The following NEK11 variants were observed in gnomAD, a reference collection of about 807,000 sequenced individuals.
NEK11 encodes the protein NIMA related kinase 11.
NEK11 carries 72 observed loss-of-function variants against 80.7 expected under a neutral mutation model. That is an observed-to-expected ratio of 0.89 (90% CI 0.74 to 1.08). NEK11 has a LOEUF of 1.08. Ranked by LOEUF, NEK11 falls within the 50% of genes least tolerant of loss-of-function variation. The pLI, the probability that NEK11 is intolerant of heterozygous loss-of-function variation, is 0.00. For synonymous variants in NEK11, 251 were observed against 260.7 expected, an observed-to-expected ratio of 0.96 and a Z score of 0.36; for missense variants, 764 against 763.6, an observed-to-expected ratio of 1.00 and a Z score of -0.01.
rs910681976 is a variant in NEK11, at chr3:131,080,576, G to A, written c.324G>A (p.Thr108=). 35 of 1,612,022 alleles carry A rather than the reference G, an allele frequency of 2.2e-5. No individual in the cohort carries two copies. Among genetic ancestry groups the A allele is most frequent in the Non-Finnish European group, 2.6e-5 (31 of 1,179,502 alleles). The change falls in exon 4 of 18, where the codon ACG becomes ACA. Residue 108 remains threonine, a synonymous_variant. Coordinates refer to ENST00000383366, the MANE Select transcript of NEK11 (RefSeq NM_024800.5). The part of the protein sequence containing the change: ...FVEQDNFCII[T]EYCEGRDLDD... ...AGCAAGATAATTTCTGCATTATCAC[G>A]GAGTACTGTGAGGTGAGACTCTCCT... is the stretch of plus-strand genomic sequence containing the variant.
In NEK11 at chr3:131,133,830, G is replaced by A. The variant is rs2085011135; in HGVS notation, c.521G>A (p.Gly174Glu). 6.2e-7 allele frequency: 1 copy of A among 1,604,646 alleles called. No homozygotes were observed. Among genetic ancestry groups the A allele is most frequent in the African/African-American group, 1.3e-5 (1 of 74,402 alleles). ...CATAAAAATTAATTATTATTTCAAG[G>A]AGATTTTGGAGTTTCTCGACTTCTA... is the stretch of plus-strand genomic sequence containing the variant. ...VFLKNNLLKI[G>E]DFGVSRLLMG... is the part of the protein sequence containing the mutation. Residue 174 changes from glycine to glutamate, a missense_variant and splice_region_variant, in exon 7 of 18, where the codon GGA becomes GAA. Coordinates refer to ENST00000383366, the MANE Select transcript of NEK11 (RefSeq NM_024800.5).
chr3:131,133,167 CATTT>C, intron 6 of NEK11: 1 of 435,048 alleles, frequency 2.3e-6, no homozygotes, highest in Non-Finnish European at 4.5e-6. Flanking sequence ...ACAGGTTTCT[CATTT>C]ATATTATTTC....
chr3:131,217,256 A>T (rs1352828417), intron 14 of NEK11, among the ~76,000 whole-genome samples: 1 of 152,238 alleles, frequency 6.6e-6, no homozygotes, highest in Non-Finnish European at 1.5e-5. Flanking sequence ...GCCTTTTCCC[A>T]AACAGCAAAG....
intron 3 of NEK11, among the ~76,000 whole-genome samples, chr3:131,051,581 A>T (rs1463777581): frequency 6.6e-6 from 1 of 152,184 alleles, no homozygotes; most frequent in Non-Finnish European, 1.5e-5. Context: ...TTCACACAAG[A>T]CCCTACATAT....
chr3:131,259,977 A>G (rs911536382), intron 16 of NEK11, among the ~76,000 whole-genome samples: 2 of 152,076 alleles, frequency 1.3e-5, no homozygotes, highest in Non-Finnish European at 1.5e-5. Flanking sequence ...GATGTCCACT[A>G]TTGTCACAGG....
intron 4 of NEK11, among the ~76,000 whole-genome samples, chr3:131,094,002 C>G (rs1286882317): frequency 1.3e-5 from 2 of 148,230 alleles, no homozygotes; most frequent in Admixed American, 6.8e-5. Context: ...ATGCCATTTG[C>G]TTCTGGAGAA....
chr3:131,231,143 A>G (rs1417707341), intron 15 of NEK11, among the ~76,000 whole-genome samples: 1 of 151,934 alleles, frequency 6.6e-6, no homozygotes, highest in Non-Finnish European at 1.5e-5. Context: ...CCTCTCACAT[A>G]CATGGTGGTA....
At chr3:131,065,977 C>T (rs2071857466) in intron 3 of NEK11, among the ~76,000 whole-genome samples, 1 of 152,110 alleles carries the variant, frequency 6.6e-6, no homozygotes, top group South Asian at 2.1e-4. Context: ...CACAAGAGTC[C>T]AGCATATTTG....
chr3:131,309,109 C>T (rs372895640), intron 17 of NEK11, among the ~76,000 whole-genome samples: 2 of 152,100 alleles, frequency 1.3e-5, no homozygotes, highest in East Asian at 3.9e-4. Flanking sequence ...TGGCCCGCGG[C>T]CTAAGGGTTG....
chr3:131,213,323 T>A (rs2150554695), intron 14 of NEK11, among the ~76,000 whole-genome samples: 1 of 152,304 alleles, frequency 6.6e-6, no homozygotes, highest in South Asian at 2.1e-4. Context: ...GATGGCCGGT[T>A]AACAGAAGGG....
At chr3:131,088,508 C>T (rs1481938136) in intron 4 of NEK11, among the ~76,000 whole-genome samples, 1 of 152,080 alleles carries the variant, frequency 6.6e-6, no homozygotes, top group Admixed American at 6.6e-5. Flanking sequence ...TGGGGTAAGG[C>T]TTTAGCTGTC....
At chr3:131,139,353 G>GAAAAAAAAAAAAAAA (rs71622003) in intron 7 of NEK11, among the ~76,000 whole-genome samples, 3 of 107,524 alleles carry the variant, frequency 2.8e-5, no homozygotes, top group Non-Finnish European at 3.5e-5. Flanking sequence ...AGAGAAAAAA[G>GAAAAAAAAAAAAAAA]AAAAAAAAAA....
intron 3 of NEK11, among the ~76,000 whole-genome samples, chr3:131,076,006 C>T (rs1303499998): frequency 6.6e-6 from 1 of 152,118 alleles, no homozygotes; most frequent in African/African-American, 2.4e-5. Flanking sequence ...ATGGAGACGC[C>T]GTGCCACCTT....
intron 17 of NEK11, chr3:131,327,262 T>C (rs974597040): frequency 1.3e-5 from 2 of 152,210 alleles, no homozygotes; most frequent in African/African-American, 4.8e-5. Context: ...TTTGTCTGTA[T>C]TGTCAGTTTG....
chr3:131,309,636 C>T (rs1055718795), intron 17 of NEK11, among the ~76,000 whole-genome samples: 2 of 151,460 alleles, frequency 1.3e-5, no homozygotes, highest in Non-Finnish European at 2.9e-5. Flanking sequence ...TATTATCTGC[C>T]GAAGTGGAAG....
chr3:131,171,851 T>G (rs1366801349), intron 14 of NEK11, among the ~76,000 whole-genome samples: 2 of 152,200 alleles, frequency 1.3e-5, no homozygotes, highest in Non-Finnish European at 2.9e-5. Flanking sequence ...TAAATATTTC[T>G]TGAGTGAATT....
At chr3:131,040,635 G>T (rs2066340177) in intron 3 of NEK11, among the ~76,000 whole-genome samples, 1 of 152,068 alleles carries the variant, frequency 6.6e-6, no homozygotes. Context: ...TTTTAATCTT[G>T]GGTTCATACC....
At chr3:131,247,481 C>T (rs2095622491) in intron 16 of NEK11, among the ~76,000 whole-genome samples, 1 of 151,958 alleles carries the variant, frequency 6.6e-6, no homozygotes, top group Non-Finnish European at 1.5e-5. Context: ...GGTTTTTGTG[C>T]CTGTTTTTAT....
intron 5 of NEK11, among the ~76,000 whole-genome samples, chr3:131,126,413 C>T (rs901907230): frequency 6.6e-6 from 1 of 152,094 alleles, no homozygotes; most frequent in African/African-American, 2.4e-5. Flanking sequence ...ATTTTTTCCT[C>T]ATCCTTTTAT....
Sources: gnomAD v4.1 joint callset for allele counts (sites outside exome capture counted in the v4.1 genomes callset) on GRCh38, gnomAD v4.1.1 for gene constraint, MANE v1.5 for transcripts, NCBI Gene and HGNC (gene_info 2026-07-23, HGNC 2026-07-21) for gene names.